The following NFATC2 variants were observed in gnomAD, a reference collection of about 807,000 sequenced individuals.
NFATC2 encodes nuclear factor of activated T-cells, cytoplasmic 2.
NFATC2 carries 22 observed loss-of-function variants against 87.3 expected under a neutral mutation model. The observed-to-expected ratio is 0.25, with a 90% CI of 0.18 to 0.36. The LOEUF is 0.36. NFATC2 is among the 10% of genes least tolerant of loss of function. NFATC2 has a pLI of 1.00. For missense variants in NFATC2, 1,149 were observed against 1,259.1 expected, an observed-to-expected ratio of 0.91 and a Z score of 1.32; for synonymous variants, 565 against 542.2, an observed-to-expected ratio of 1.04 and a Z score of -0.58.
At chr20:51,486,613 T>A (rs1261825055) in intron 3 of NFATC2, among the ~76,000 whole-genome samples, 1 of 124,798 alleles carries the variant, frequency 8.0e-6, no homozygotes, top group Non-Finnish European at 1.6e-5. Context: ...CACTAGAATG[T>A]AAGCTTGTCC....
intron 1 of NFATC2, among the ~76,000 whole-genome samples, chr20:51,535,457 G>A (rs922939548): frequency 9.2e-5 from 14 of 152,196 alleles, no homozygotes; most frequent in East Asian, 5.8e-4. Context: ...ACCCTTGGCC[G>A]GGGTCAGAGA....
At chr20:51,519,601 C>T (rs1161264255) in intron 2 of NFATC2, among the ~76,000 whole-genome samples, 1 of 145,578 alleles carries the variant, frequency 6.9e-6, no homozygotes, top group Non-Finnish European at 1.5e-5. Flanking sequence ...CCAGCCTCGG[C>T]GACAGAGCAA....
intron 1 of NFATC2, among the ~76,000 whole-genome samples, chr20:51,526,631 C>T (rs1037220357): frequency 3.9e-5 from 6 of 152,180 alleles, no homozygotes; most frequent in African/African-American, 1.4e-4. Context: ...CCTCTTCCTG[C>T]TTTGGGGGAC....
intron 3 of NFATC2, among the ~76,000 whole-genome samples, chr20:51,502,460 G>A (rs1030054116): frequency 2.2e-4 from 33 of 152,166 alleles, no homozygotes; most frequent in Non-Finnish European, 3.5e-4. Context: ...AACTAGCCAA[G>A]ACTACAGGCA....
intron 1 of NFATC2, among the ~76,000 whole-genome samples, chr20:51,529,011 T>TAC (rs144764930): frequency 6.6e-6 from 1 of 151,990 alleles, no homozygotes; most frequent in Non-Finnish European, 1.5e-5. Flanking sequence ...AATTCGCACA[T>TAC]ACACACACAC....
rs1281350841 is a variant in NFATC2, at chr20:51,389,068, GA to G, written c.*2427del. 6.6e-6 allele frequency: 1 copy of G among 151,982 alleles called. No homozygotes were observed. Among genetic ancestry groups the G allele is most frequent in the Non-Finnish European group, 1.5e-5 (1 of 68,004 alleles). 9.4% of individuals were successfully genotyped at this position (151,982 alleles called of 1,614,324 possible). ...ATGCTTTTGTTTCTCTTTCCTTTGC[GA>G]TTTGTTACAGTTGTTTATGAAAGTG... On this transcript the variant is annotated 3_prime_UTR_variant, in exon 11 of 11. Coordinates refer to ENST00000371564, the MANE Select transcript of NFATC2 (RefSeq NM_012340.5).
At chr20:51,452,604 C>A (rs1018401538) in intron 6 of NFATC2, among the ~76,000 whole-genome samples, 3 of 152,194 alleles carry the variant, frequency 2.0e-5, no homozygotes, top group Non-Finnish European at 4.4e-5. Flanking sequence ...TGAGACTCAA[C>A]GCTTCCACTT....
chr20:51,398,676 G>A lies in NFATC2; in HGVS notation c.*11C>T, dbSNP rs56224340. On this transcript the variant is annotated 3_prime_UTR_variant, in exon 10 of 11. Transcript: ENST00000371564. Reference sequence around the variant, plus strand: ...TTGATTTCTCGGATCAAAGATCACAGTCATTCTGTTTCATAATATGTTTTG... The same window carrying A: ...TTGATTTCTCGGATCAAAGATCACAATCATTCTGTTTCATAATATGTTTTG... 1 of 1,612,316 alleles carries A rather than the reference G, an allele frequency of 6.2e-7. No individual in the cohort carries two copies. Among genetic ancestry groups the A allele is most frequent in the African/African-American group, 1.3e-5 (1 of 74,936 alleles).
chr20:51,416,845 A>G (rs1980104783), intron 9 of NFATC2, among the ~76,000 whole-genome samples: 1 of 152,262 alleles, frequency 6.6e-6, no homozygotes, highest in East Asian at 1.9e-4. Flanking sequence ...GGAGCTGAGC[A>G]TGGGGGCCAG....
At chr20:51,399,478 A>C (rs1241940661) in intron 9 of NFATC2, among the ~76,000 whole-genome samples, 2 of 151,372 alleles carry the variant, frequency 1.3e-5, no homozygotes, top group Non-Finnish European at 3.0e-5. Context: ...GCGTTATTAG[A>C]AATGTCAAGT....
At chr20:51,549,356 T>C (rs1017528373) in intron 1 of NFATC2, among the ~76,000 whole-genome samples, 2 of 152,220 alleles carry the variant, frequency 1.3e-5, no homozygotes, top group African/African-American at 4.8e-5. Context: ...CACCGCAACT[T>C]CTGCCTCCCA....
Position 51,387,093 on chromosome 20 carries a change from G to A in NFATC2, c.*4403C>T, listed in dbSNP as rs577409278. 7.9e-5 allele frequency: 12 copies of A among 152,290 alleles called. No homozygotes were observed. The highest frequency in any genetic ancestry group is 5.8e-4 in the East Asian group (3 of 5,184). The allele number at this position is 152,290 out of a possible 1,614,324, so 9.4% of individuals were successfully genotyped here. A position where few individuals can be genotyped will look rare whatever the true frequency, so the allele number is the denominator to read the frequency against. ...GCATAGGAATGTGATGTATTCAAAC[G>A]CCTTTAACAGTCAGGATTTTCTAAA... On this transcript the variant is annotated 3_prime_UTR_variant, in exon 11 of 11. Transcript: ENST00000371564.
At chr20:51,416,308 A>G (rs1036550441) in intron 9 of NFATC2, among the ~76,000 whole-genome samples, 2 of 152,184 alleles carry the variant, frequency 1.3e-5, no homozygotes, top group African/African-American at 4.8e-5. Flanking sequence ...TGGTTCTGAA[A>G]TGGTCCAGAG....
At chr20:51,487,118 A>G (rs1211815005) in intron 3 of NFATC2, among the ~76,000 whole-genome samples, 1 of 152,190 alleles carries the variant, frequency 6.6e-6, no homozygotes, top group East Asian at 1.9e-4. Flanking sequence ...CACTCAGGAC[A>G]CTGACCTGAT....
At chr20:51,472,938 A>T (rs1988369905) in intron 5 of NFATC2, among the ~76,000 whole-genome samples, 1 of 152,128 alleles carries the variant, frequency 6.6e-6, no homozygotes, top group African/African-American at 2.4e-5. Context: ...CATGCTTTCT[A>T]AAATAACTTC....
rs565996132 is a variant in NFATC2, at chr20:51,561,476, A to C, written c.70+1084T>G. Among the ~76,000 whole-genome samples, 150 of 132,072 alleles carry C rather than the reference A, an allele frequency of 1.1e-3. 1 individual carries two copies. The highest frequency in any genetic ancestry group is 2.5e-3 in the African/African-American group (84 of 33,372). 86.6% of individuals were successfully genotyped at this position (132,072 alleles called of 152,430 possible). On this transcript the variant is annotated intron_variant, in intron 1 of 10. Coordinates refer to the NFATC2 transcript ENST00000414705. ...GAAAGAAAGAAAGAAAGAAAGAAAGAAAGAAAGAAAGCAAGCAAGCAAGCA... is the reference window on the plus strand; with the variant it reads ...GAAAGAAAGAAAGAAAGAAAGAAAGCAAGAAAGAAAGCAAGCAAGCAAGCA...
intron 2 of NFATC2, among the ~76,000 whole-genome samples, chr20:51,521,174 G>A (rs2076438934): frequency 6.6e-6 from 1 of 152,350 alleles, no homozygotes; most frequent in East Asian, 1.9e-4. Context: ...AACCTGCTGT[G>A]GAGGAAATGC....
chr20:51,442,702 A>T (rs1984514519), intron 6 of NFATC2, among the ~76,000 whole-genome samples: 2 of 125,898 alleles, frequency 1.6e-5, no homozygotes, highest in African/African-American at 6.2e-5. Context: ...TTTTAAATAA[A>T]GTTTGTTTTT....
chr20:51,430,065 C>G (rs1245348448), intron 9 of NFATC2, among the ~76,000 whole-genome samples: 2 of 152,152 alleles, frequency 1.3e-5, no homozygotes, highest in African/African-American at 2.4e-5. Context: ...CATAGCCAGT[C>G]ATGACCACCT....
Sources: allele counts gnomAD v4.1 joint callset (sites outside exome capture counted in the v4.1 genomes callset), GRCh38; gene constraint gnomAD v4.1.1; transcripts MANE v1.5; gene names NCBI Gene and HGNC (gene_info 2026-07-23, HGNC 2026-07-21).